The following TMEM177 variants were observed in gnomAD, a reference collection of about 807,000 sequenced individuals.
TMEM177 encodes the protein transmembrane protein 177.
In TMEM177, 4 loss-of-function variants were observed where a neutral mutation model predicts 14.2. The observed-to-expected ratio is 0.28, with a 90% CI of 0.14 to 0.64. TMEM177 has a LOEUF of 0.64. TMEM177 is among the 30% of genes least tolerant of loss of function. The pLI is 0.82. For missense variants in TMEM177, 344 were observed against 405.2 expected (o/e 0.85, Z 1.30); for synonymous variants, 179 against 174.5 (o/e 1.03, Z -0.20).
At chr2:119,690,861 A>G (rs1248859744), downstream of TMEM177, among the ~76,000 whole-genome samples, 1 of 152,174 alleles carries the variant, frequency 6.6e-6, no homozygotes, top group East Asian at 1.9e-4. Flanking sequence ...CCTGAAATCA[A>G]CGTCAGTGTT....
At chr2:119,712,456 G>A in the TMEM177 span, among the ~76,000 whole-genome samples, 5 of 152,114 alleles carry the variant, frequency 3.3e-5, no homozygotes, top group African/African-American at 4.8e-5. Flanking sequence ...TTGAGTGGAC[G>A]CTAATCCAGT....
chr2:119,712,553 G>A, the TMEM177 span, among the ~76,000 whole-genome samples: 2 of 152,114 alleles, frequency 1.3e-5, no homozygotes, highest in Non-Finnish European at 2.9e-5. Context: ...ATGAAGGCAC[G>A]GCAAGAAGGG....
chr2:119,684,143 A>G (rs951406053), downstream of TMEM177, among the ~76,000 whole-genome samples: 7 of 152,138 alleles, frequency 4.6e-5, no homozygotes, highest in African/African-American at 1.4e-4. Context: ...TCCGTGTCCC[A>G]CTTTCCCTTG....
At chr2:119,682,499 G>T (rs1478424213), downstream of TMEM177, among the ~76,000 whole-genome samples, 1 of 152,170 alleles carries the variant, frequency 6.6e-6, no homozygotes, top group Non-Finnish European at 1.5e-5. Context: ...CTGTTTTAAG[G>T]TGAGGGGGCC....
downstream of TMEM177, among the ~76,000 whole-genome samples, chr2:119,683,385 C>G (rs1574269814): frequency 6.6e-6 from 1 of 152,170 alleles, no homozygotes; most frequent in Non-Finnish European, 1.5e-5. Flanking sequence ...AGGGACACAC[C>G]ATTTCATGGG....
downstream of TMEM177, among the ~76,000 whole-genome samples, chr2:119,683,162 A>G (rs555453471): frequency 6.6e-6 from 1 of 152,318 alleles, no homozygotes; most frequent in East Asian, 1.9e-4. Flanking sequence ...TGGGAATGGC[A>G]CACCTCCCTG....
the TMEM177 span, chr2:119,699,950 A>G: frequency 2.4e-6 from 1 of 417,386 alleles, no homozygotes; most frequent in Non-Finnish European, 4.9e-6. Context: ...GTCATTGAGC[A>G]CATCCAGGTG....
chr2:119,708,940 C>A, the TMEM177 span, among the ~76,000 whole-genome samples: 1 of 152,194 alleles, frequency 6.6e-6, no homozygotes, highest in Non-Finnish European at 1.5e-5. Context: ...TCATAATGAC[C>A]TTAACATCAA....
the TMEM177 span, among the ~76,000 whole-genome samples, chr2:119,718,629 C>T: frequency 2.0e-3 from 300 of 152,328 alleles, 1 homozygote; most frequent in Admixed American, 3.3e-3. Flanking sequence ...TGACTAGGTC[C>T]GCATCCAGTG....
downstream of TMEM177, among the ~76,000 whole-genome samples, chr2:119,684,269 T>C (rs959158350): frequency 2.0e-5 from 3 of 152,142 alleles, no homozygotes; most frequent in Non-Finnish European, 4.4e-5. Context: ...GCCTGCCCGG[T>C]GCTCAGTTAT....
At chr2:119,695,285 A>T in the TMEM177 span, among the ~76,000 whole-genome samples, 1 of 152,190 alleles carries the variant, frequency 6.6e-6, no homozygotes, top group East Asian at 1.9e-4. Context: ...GCCCTTTGAA[A>T]AGCAGAAAGC....
chr2:119,680,835 G>T lies in TMEM177; in HGVS notation c.-19G>T, dbSNP rs551733505. ...ACTTCTCTTTTTCTTGGCCCAGATTGTCCGCAGTGACTACACTCATGGCAG... is the reference window on the plus strand; with the variant it reads ...ACTTCTCTTTTTCTTGGCCCAGATTTTCCGCAGTGACTACACTCATGGCAG... On this transcript the variant is annotated 5_prime_UTR_variant, in exon 2 of 2. Transcript: ENST00000272521. The T allele has an allele frequency of 4.5e-5, 72 of 1,601,728 alleles. 1 individual carries two copies. The South Asian group carries it at 7.7e-4, about 17-fold the overall frequency.
the TMEM177 span, among the ~76,000 whole-genome samples, chr2:119,706,086 G>T: frequency 2.0e-5 from 3 of 150,006 alleles, no homozygotes; most frequent in African/African-American, 4.9e-5. Context: ...GTGCAGTGGC[G>T]CAATCTTGCT....
chr2:119,684,953 G>A (rs1019273261), downstream of TMEM177, among the ~76,000 whole-genome samples: 1 of 152,112 alleles, frequency 6.6e-6, no homozygotes, highest in African/African-American at 2.4e-5. Flanking sequence ...TGGGTGGTAG[G>A]CAGCTGCCTT....
downstream of TMEM177, among the ~76,000 whole-genome samples, chr2:119,688,337 A>G (rs1205120318): frequency 6.6e-6 from 1 of 152,214 alleles, no homozygotes; most frequent in South Asian, 2.1e-4. Context: ...AGCACTATAT[A>G]TATTTACGGT....
chr2:119,694,719 G>A, the TMEM177 span, among the ~76,000 whole-genome samples: 1 of 152,246 alleles, frequency 6.6e-6, no homozygotes, highest in Non-Finnish European at 1.5e-5. Context: ...ACACGCCCCT[G>A]ATGGGGCCCC....
the TMEM177 span, among the ~76,000 whole-genome samples, chr2:119,710,755 G>A: frequency 9.9e-5 from 15 of 151,906 alleles, no homozygotes; most frequent in Admixed American, 2.6e-4. Flanking sequence ...GACTACAGGC[G>A]CCCCCACCAC....
At chr2:119,683,221 G>A (rs188292188), downstream of TMEM177, among the ~76,000 whole-genome samples, 7 of 152,258 alleles carry the variant, frequency 4.6e-5, no homozygotes, top group African/African-American at 1.4e-4. Flanking sequence ...GCCAGCTCAC[G>A]GGTCCTCACA....
chr2:119,701,939 C>T, the TMEM177 span, among the ~76,000 whole-genome samples: 1 of 152,192 alleles, frequency 6.6e-6, no homozygotes, highest in African/African-American at 2.4e-5. Flanking sequence ...TCTAGTTTCT[C>T]AGCTGATCCA....
Sources: allele counts gnomAD v4.1 joint callset (sites outside exome capture counted in the v4.1 genomes callset), GRCh38; gene constraint gnomAD v4.1.1; transcripts MANE v1.5; gene names NCBI Gene and HGNC (gene_info 2026-07-23, HGNC 2026-07-21).